PALM2AKAP2: variants seen among roughly 807,000 people sequenced by gnomAD.
The protein encoded by PALM2AKAP2 is PALM2 and AKAP2 fusion, also known as PALM2-AKAP2 fusion protein.
In PALM2AKAP2, 37 loss-of-function variants were observed where a neutral mutation model predicts 71.5. The observed-to-expected ratio is 0.52, with a 90% CI of 0.40 to 0.68. The LOEUF is 0.68. Ranked by LOEUF, PALM2AKAP2 falls within the 30% of genes least tolerant of loss-of-function variation. The pLI is 0.00. For missense variants in PALM2AKAP2, 1,224 were observed against 1,191.8 expected, an observed-to-expected ratio of 1.03 and a Z score of -0.40; for synonymous variants, 468 against 478.8, an observed-to-expected ratio of 0.98 and a Z score of 0.29.
chr9:109,644,535 A>G (rs531972167), intron 1 of PALM2AKAP2, among the ~76,000 whole-genome samples: 15 of 152,366 alleles, frequency 9.8e-5, no homozygotes, highest in African/African-American at 2.4e-4. Flanking sequence ...TAGATGTTAA[A>G]TCAGTAAATA....
intron 5 of PALM2AKAP2, among the ~76,000 whole-genome samples, chr9:109,931,213 C>T (rs1395815860): frequency 1.3e-5 from 2 of 152,220 alleles, no homozygotes; most frequent in Admixed American, 6.5e-5. Flanking sequence ...CCATGTCTCA[C>T]CTCCCTAAAG....
At chr9:109,960,180 T>C (rs2132113264) in intron 6 of PALM2AKAP2, among the ~76,000 whole-genome samples, 1 of 152,208 alleles carries the variant, frequency 6.6e-6, no homozygotes, top group African/African-American at 2.4e-5. Context: ...TGTGCACACT[T>C]GGAATCATGT....
chr9:109,686,406 GCA>G (rs1479074277), intron 1 of PALM2AKAP2, among the ~76,000 whole-genome samples: 1 of 152,180 alleles, frequency 6.6e-6, no homozygotes, highest in African/African-American at 2.4e-5. Flanking sequence ...GCTGCAGAAT[GCA>G]CATTGTGTTA....
chr9:110,045,229 G>A (rs560967108), upstream of PALM2AKAP2, among the ~76,000 whole-genome samples: 2 of 152,120 alleles, frequency 1.3e-5, no homozygotes, highest in South Asian at 4.2e-4. Context: ...AGGGCCTGTG[G>A]GAACATGTAA....
At chr9:109,880,736 A>G (rs900745323) in intron 3 of PALM2AKAP2, 55 bp downstream of exon 3, 1 of 1,598,314 alleles carries the variant, frequency 6.3e-7, no homozygotes, top group African/African-American at 1.3e-5. Context: ...TGCAGTAACC[A>G]CTGCTCTCCT....
At chr9:110,156,129 T>C (rs765550460) in intron 2 of PALM2AKAP2, among the ~76,000 whole-genome samples, 190 bp from the exon 9 acceptor site, 1 of 152,220 alleles carries the variant, frequency 6.6e-6, no homozygotes, top group Non-Finnish European at 1.5e-5. Context: ...CTTGAGATCT[T>C]TGGATGGGTT....
intron 1 of PALM2AKAP2, among the ~76,000 whole-genome samples, chr9:109,676,383 C>A (rs1262709576): frequency 6.6e-6 from 1 of 152,148 alleles, no homozygotes; most frequent in Non-Finnish European, 1.5e-5. Context: ...TAGATGGAGG[C>A]ACCTTAATGA....
intron 1 of PALM2AKAP2, among the ~76,000 whole-genome samples, chr9:109,844,398 C>T (rs757849097): frequency 4.6e-5 from 7 of 151,996 alleles, no homozygotes; most frequent in African/African-American, 1.7e-4. Flanking sequence ...ACTCTGGATG[C>T]GATTCTGGAA....
intron 1 of PALM2AKAP2, among the ~76,000 whole-genome samples, chr9:109,668,865 G>A (rs534060257): frequency 2.8e-4 from 43 of 152,320 alleles, no homozygotes; most frequent in Admixed American, 3.9e-4. Flanking sequence ...CCTGTCCCTA[G>A]ACCTTGACTT....
chr9:109,731,701 A>G (rs1201632804), intron 1 of PALM2AKAP2, among the ~76,000 whole-genome samples: 1 of 152,216 alleles, frequency 6.6e-6, no homozygotes, highest in Non-Finnish European at 1.5e-5. Flanking sequence ...AGTATTATTT[A>G]TGAAATGCTG....
At chr9:109,667,928 G>GT (rs1213195298) in intron 1 of PALM2AKAP2, among the ~76,000 whole-genome samples, 610 of 56,596 alleles carry the variant, frequency 0.011, 137 homozygotes, top group African/African-American at 0.035. Flanking sequence ...GATGGCTTTG[G>GT]TTTTTTTTTT....
chr9:109,880,668 G>C (rs775284260), exon 3 of PALM2AKAP2: 1 of 1,613,956 alleles, frequency 6.2e-7, no homozygotes, highest in Non-Finnish European at 8.5e-7. Context: ...GCAACTTGAA[G>C]ATAACATTCA....
intron 6 of PALM2AKAP2, chr9:109,944,712 A>C (rs1831462319): frequency 6.6e-6 from 1 of 152,212 alleles, no homozygotes; most frequent in Non-Finnish European, 1.5e-5. Flanking sequence ...ATTCCAGAAG[A>C]GCAAAGAATA....
chr9:110,138,068 G>A, exon 2 of PALM2AKAP2: 1 of 1,614,040 alleles, frequency 6.2e-7, no homozygotes, highest in Non-Finnish European at 8.5e-7. Flanking sequence ...AGAGGAAGCT[G>A]AAGCTGCGGC....
chr9:109,904,203 G>A (rs10980112), intron 3 of PALM2AKAP2, among the ~76,000 whole-genome samples: 59,346 of 152,002 alleles, frequency 0.39, 12,482 homozygotes, highest in Non-Finnish European at 0.47. Context: ...TTTGATGTAG[G>A]TATTCCATAT....
intron 1 of PALM2AKAP2, among the ~76,000 whole-genome samples, chr9:110,079,280 G>A (rs2118676861): frequency 6.6e-6 from 1 of 152,210 alleles, no homozygotes; most frequent in African/African-American, 2.4e-5. Flanking sequence ...TAGATCACCT[G>A]AGGTCAGGGG....
intron 1 of PALM2AKAP2, among the ~76,000 whole-genome samples, chr9:109,857,510 A>G (rs1395027704): frequency 6.6e-6 from 1 of 152,126 alleles, no homozygotes; most frequent in Non-Finnish European, 1.5e-5. Context: ...TGACATCAAG[A>G]TGTTTTGCAT....
At chr9:109,841,500 G>A (rs1448563402) in intron 1 of PALM2AKAP2, among the ~76,000 whole-genome samples, 7 of 57,766 alleles carry the variant, frequency 1.2e-4, no homozygotes, top group East Asian at 9.9e-4. Flanking sequence ...ATGTACCCTA[G>A]AACTTAAAGT....
chr9:109,652,557 T>C (rs1407395), intron 1 of PALM2AKAP2, among the ~76,000 whole-genome samples: 18,277 of 152,212 alleles, frequency 0.12, 1,352 homozygotes, highest in African/African-American at 0.21. Flanking sequence ...AGTATTTCTT[T>C]ATAGCAATGC....
Sources: allele counts gnomAD v4.1 joint callset (sites outside exome capture counted in the v4.1 genomes callset), GRCh38; gene constraint gnomAD v4.1.1; transcripts MANE v1.5; gene names NCBI Gene and HGNC (gene_info 2026-07-23, HGNC 2026-07-21).